Variants in RASSF1 observed in about 807,000 individuals in gnomAD.
RASSF1 encodes Ras association domain family member 1.
In RASSF1, 33 loss-of-function variants were observed where a neutral mutation model predicts 34.3. That is an observed-to-expected ratio of 0.96 (90% confidence interval 0.73 to 1.29). RASSF1 has a LOEUF of 1.29. RASSF1 is among the 50% of genes most tolerant of loss of function. The pLI is 0.00. For missense variants in RASSF1, 445 were observed against 471.8 expected (o/e 0.94, Z 0.53); for synonymous variants, 191 against 195.0 (o/e 0.98, Z 0.17).
intron 2 of RASSF1, 47 bp downstream of exon 2, chr3:50,337,858 G>C (rs967390087): frequency 6.7e-7 from 1 of 1,495,726 alleles, no homozygotes; most frequent in Non-Finnish European, 9.2e-7. Context: ...CTGCACTGTG[G>C]CCTGCCCATC....
Position 50,331,525 on chromosome 3 carries a change from C to T in RASSF1, c.760+34G>A, listed in dbSNP as rs750189506. On this transcript the variant is annotated intron_variant, in intron 4 of 5. Transcript: ENST00000359365. ...CATGCTCAGGTGCATGCGTATATAC[C>T]CTCACATAGGGCAGGGTGGGGTGGG... is the stretch of plus-strand genomic sequence containing the variant. 10 of 1,576,108 alleles carry T rather than the reference C, an allele frequency of 6.3e-6. No homozygotes were observed. The South Asian group carries it at 1.1e-4, about 18-fold the overall frequency.
At chr3:50,337,447 G>T in intron 2 of RASSF1, 1 of 1,573,574 alleles carries the variant, frequency 6.4e-7, no homozygotes, top group South Asian at 1.1e-5. Flanking sequence ...CAACCGTTAA[G>T]ACTGAAACGT....
chr3:50,340,435 A>G, intron 1 of RASSF1, 121 bp downstream of exon 1: 1 of 1,290,584 alleles, frequency 7.7e-7, no homozygotes, highest in South Asian at 1.7e-5. Flanking sequence ...GGCGAAAGTA[A>G]CGGACCTAGT....
Position 50,330,473 on chromosome 3 carries a change from AG to A in RASSF1, c.*107del. ...TCTGGGCTCATTCCCCCAGCACAGGAGGGCCTCCATGCACACTCATTCCACA... is the reference window on the plus strand; with the variant it reads ...TCTGGGCTCATTCCCCCAGCACAGGAGGCCTCCATGCACACTCATTCCACA... On this transcript the variant is annotated 3_prime_UTR_variant, in exon 6 of 6. Coordinates refer to ENST00000359365, the MANE Select transcript of RASSF1 (RefSeq NM_007182.5). This position sits in a 1 kb window ranked among gnomAD's most constrained non-coding sequence, Gnocchi z 4.5. 1 of 1,441,588 alleles carries A rather than the reference AG, an allele frequency of 6.9e-7. No individual in the cohort carries two copies. The allele number at this position is 1,441,588 out of a possible 1,614,324, so 89.3% of individuals were successfully genotyped here.
chr3:50,338,671 C>A (rs587686216), intron 1 of RASSF1, among the ~76,000 whole-genome samples: 1 of 152,286 alleles, frequency 6.6e-6, no homozygotes, highest in African/African-American at 2.4e-5. Context: ...TGGTTGTCAC[C>A]TGTCTCTACT....
chr3:50,338,144 T>C lies in RASSF1; in HGVS notation c.251-133A>G. The C allele has an allele frequency of 2.1e-5, 30 of 1,462,834 alleles. No homozygotes were observed. In the South Asian group the frequency reaches 4.0e-4, roughly 19 times the overall value. 90.6% of individuals were successfully genotyped at this position (1,462,834 alleles called of 1,614,324 possible). ...GCCCGACCTATCTCAGTGGGTTACCTCACACTGCTACGCGGACTCTAATGT... is the reference window on the plus strand; with the variant it reads ...GCCCGACCTATCTCAGTGGGTTACCCCACACTGCTACGCGGACTCTAATGT... On this transcript the variant is annotated intron_variant, in intron 1 of 5. Transcript: ENST00000359365.
At chr3:50,339,665 G>A (rs922098312) in intron 1 of RASSF1, among the ~76,000 whole-genome samples, 9 of 152,046 alleles carry the variant, frequency 5.9e-5, no homozygotes, top group African/African-American at 9.7e-5. Context: ...CACCGCGCTC[G>A]GCCCCTTGTT....
At chr3:50,332,229 G>T in intron 2 of RASSF1, 75 bp from the exon 3 acceptor site, 1 of 1,346,426 alleles carries the variant, frequency 7.4e-7, no homozygotes, top group Non-Finnish European at 1.1e-6. Context: ...CTCTGGGGCA[G>T]TCTTTGGAAA....
rs1703223035 is a variant in RASSF1, at chr3:50,337,943, G to C, written c.319C>G (p.Leu107Val). ...CGCTCCACCGCGGGTTCCCAGCCCA[G>C]GTCCCGGGGCCCGCAACAGTCCAGG... ...VCLDCCGPRD[L>V]GWEPAVERDT... Residue 107 changes from leucine (L) to valine (V), a missense_variant, in exon 2 of 6, where the codon CTG (leucine) becomes GTG (valine). Coordinates refer to ENST00000359365, the MANE Select transcript of RASSF1 (RefSeq NM_007182.5). The C allele has an allele frequency of 1.2e-6, 2 of 1,612,072 alleles. No individual in the cohort carries two copies. Among genetic ancestry groups the C allele is most frequent in the Admixed American group, 3.3e-5 (2 of 59,860 alleles).
chr3:50,330,670 C>T lies in RASSF1; in HGVS notation c.934G>A (p.Glu312Lys). 1.2e-6 allele frequency: 2 copies of T among 1,614,102 alleles called. No homozygotes were observed. The highest frequency in any genetic ancestry group is 1.7e-6 in the Non-Finnish European group (2 of 1,179,988). Residue 312 changes from glutamate to lysine, a missense_variant, in exon 6 of 6, where the codon GAG becomes AAG. Coordinates refer to ENST00000359365, the MANE Select transcript of RASSF1 (RefSeq NM_007182.5). This position sits in a 1 kb window ranked among gnomAD's most constrained non-coding sequence, Gnocchi z 4.5. Reference sequence around the variant, plus strand: ...AGGATCTGGCGGAGGTGCTCCTCCTCCTCCCGCTGCAGGATACGTAGGAAG... The same window carrying T: ...AGGATCTGGCGGAGGTGCTCCTCCTTCTCCCGCTGCAGGATACGTAGGAAG... ...HNFLRILQRE[E>K]EEHLRQILQK...
At chr3:50,338,304 C>A in intron 1 of RASSF1, 2 of 977,680 alleles carry the variant, frequency 2.0e-6, no homozygotes, top group Non-Finnish European at 2.6e-6. Context: ...CAAAAAACTG[C>A]GTCTTGCTTT....
chr3:50,332,101 C>T lies in RASSF1; in HGVS notation c.411G>A (p.Gln137=). The change falls in exon 3 of 6, where the codon CAG becomes CAA. Residue 137 remains glutamine (Q), a synonymous_variant. Transcript: ENST00000359365. ...TCTGGGCATTGTACTCCTTGATCTT[C>T]TGCTCAATCTCAGCTTGAGAAAGGT... ...TPDLSQAEIE[Q]KIKEYNAQIN... The T allele has an allele frequency of 6.2e-7, 1 of 1,614,196 alleles. No homozygotes were observed. Among genetic ancestry groups the T allele is most frequent in the Non-Finnish European group, 8.5e-7 (1 of 1,180,040 alleles).
chr3:50,333,699 T>TG (rs767565938), intron 2 of RASSF1, among the ~76,000 whole-genome samples: 1 of 152,146 alleles, frequency 6.6e-6, no homozygotes, highest in African/African-American at 2.4e-5. Flanking sequence ...AGGTTGGTCT[T>TG]GAACTCCTGA....
At chr3:50,333,451 C>T (rs1045043418) in intron 2 of RASSF1, among the ~76,000 whole-genome samples, 8 of 152,124 alleles carry the variant, frequency 5.3e-5, no homozygotes, top group Non-Finnish European at 7.4e-5. Flanking sequence ...TCTGCACCTG[C>T]CTGTGCTGTC....
At chr3:50,337,859 C>A in intron 2 of RASSF1, 46 bp downstream of exon 2, 1 of 1,497,924 alleles carries the variant, frequency 6.7e-7, no homozygotes, top group Non-Finnish European at 9.2e-7. Context: ...TGCACTGTGG[C>A]CTGCCCATCC....
At chr3:50,338,559 C>A (rs1314324465) in intron 1 of RASSF1, among the ~76,000 whole-genome samples, 1 of 152,224 alleles carries the variant, frequency 6.6e-6, no homozygotes, top group Non-Finnish European at 1.5e-5. Context: ...GGACTACAGG[C>A]TTGAGCCACC....
chr3:50,337,234 G>A (rs770257072), intron 2 of RASSF1: 27 of 1,613,008 alleles, frequency 1.7e-5, no homozygotes, highest in South Asian at 7.7e-5. Context: ...CTCGAGCTCC[G>A]AGTCCGAGTC....
chr3:50,330,871 G>C lies in RASSF1; in HGVS notation c.877-144C>G. ...CAGGCTCTTGGCTGAATGATCTCTGGTAGGATCCCTGACAGCAGTTTGTAT... is the reference window on the plus strand; with the variant it reads ...CAGGCTCTTGGCTGAATGATCTCTGCTAGGATCCCTGACAGCAGTTTGTAT... On this transcript the variant is annotated intron_variant, in intron 5 of 5. Transcript: ENST00000359365. The surrounding 1 kb of genome is among the most constrained non-coding windows in gnomAD (Gnocchi z 4.5). The C allele has an allele frequency of 1.0e-6, 1 of 995,112 alleles. No homozygotes were observed. Among genetic ancestry groups the C allele is most frequent in the Non-Finnish European group, 1.4e-6 (1 of 691,202 alleles). 61.6% of individuals were successfully genotyped at this position (995,112 alleles called of 1,614,324 possible). A position where few individuals can be genotyped will look rare whatever the true frequency, so the allele number is the denominator to read the frequency against.
At chr3:50,340,525 G>C in intron 1 of RASSF1, 31 bp downstream of exon 1, 2 of 1,446,300 alleles carry the variant, frequency 1.4e-6, no homozygotes, top group South Asian at 2.8e-5. Context: ...TGCCCCTTCC[G>C]CTCTCGTAGG....
Sources: allele counts gnomAD v4.1 joint callset (sites outside exome capture counted in the v4.1 genomes callset), GRCh38; gene constraint gnomAD v4.1.1; non-coding constraint Gnocchi (gnomAD v3.1); transcripts MANE v1.5; gene names NCBI Gene and HGNC (gene_info 2026-07-23, HGNC 2026-07-21).